PHLDB2: variants seen among roughly 807,000 people sequenced by gnomAD.
The protein encoded by PHLDB2 is pleckstrin homology like domain family B member 2, also known as pleckstrin homology-like domain family B member 2.
Under a neutral mutation model 123.6 loss-of-function variants are expected in PHLDB2, and 71 were observed. The observed-to-expected ratio is 0.57, with a 90% confidence interval of 0.47 to 0.70. The LOEUF is 0.70. PHLDB2 is among the 30% of genes least tolerant of loss of function. The probability of loss-of-function intolerance (pLI) is 0.00; values close to 1 mark genes in which losing one functional copy is unlikely to be tolerated. For missense variants in PHLDB2, 1,446 were observed against 1,519.5 expected (o/e 0.95, Z 0.80); for synonymous variants, 547 against 541.6 (o/e 1.01, Z -0.14).
chr3:111,776,116 T>C (rs963367698), intron 1 of PHLDB2, among the ~76,000 whole-genome samples: 2 of 152,154 alleles, frequency 1.3e-5, no homozygotes, highest in Non-Finnish European at 2.9e-5. Context: ...ATAACTGCTA[T>C]TTAGGAAGGC....
chr3:111,774,477 G>A (rs931976875), intron 1 of PHLDB2, among the ~76,000 whole-genome samples: 4 of 152,274 alleles, frequency 2.6e-5, no homozygotes, highest in South Asian at 2.1e-4. Flanking sequence ...GTGGCTTGGC[G>A]CATCTGCATT....
At position 111,865,164 on chromosome 3, in the gene PHLDB2, C is replaced by T. The variant is rs2065007343; in HGVS notation, c.-15+5588C>T. Among the ~76,000 whole-genome samples the T allele has an allele frequency of 2.6e-5, 4 of 152,158 alleles. No individual in the cohort carries two copies. The South Asian group carries it at 8.3e-4, about 32-fold the overall frequency. On this transcript the variant is annotated intron_variant, in intron 1 of 17. Transcript: ENST00000431670. ...GGGATTGAGAAGTGATGTCTGGCTGCCTCACTGCTTACGTCATTGCAGAAG... is the reference window on the plus strand; with the variant it reads ...GGGATTGAGAAGTGATGTCTGGCTGTCTCACTGCTTACGTCATTGCAGAAG...
chr3:111,866,014 A>ATTTTTTTTTTTTTTTTTGTTT (rs2065054543), intron 1 of PHLDB2, among the ~76,000 whole-genome samples: 1 of 57,430 alleles, frequency 1.7e-5, no homozygotes, highest in Non-Finnish European at 3.0e-5. Flanking sequence ...CCACCCACTC[A>ATTTTTTTTTTTTTTTTTGTTT]TTTTTTTTTT....
chr3:111,768,636 G>A (rs938004821), intron 1 of PHLDB2, among the ~76,000 whole-genome samples: 5 of 152,116 alleles, frequency 3.3e-5, no homozygotes, highest in African/African-American at 1.2e-4. Flanking sequence ...CCACACCCTC[G>A]GATCCTGCCA....
chr3:111,831,635 T>G (rs1481424996), intron 1 of PHLDB2, among the ~76,000 whole-genome samples: 2 of 152,174 alleles, frequency 1.3e-5, no homozygotes, highest in Non-Finnish European at 2.9e-5. Flanking sequence ...AAGACCAAGT[T>G]TGAATACCTG....
At chr3:111,891,887 G>A (rs2066518722) in intron 2 of PHLDB2, among the ~76,000 whole-genome samples, 1 of 152,098 alleles carries the variant, frequency 6.6e-6, no homozygotes, top group Non-Finnish European at 1.5e-5. Context: ...AAAAATGAAA[G>A]CAAACCCTGA....
chr3:111,859,433 G>T lies in PHLDB2; in HGVS notation c.-158G>T. On this transcript the variant is annotated 5_prime_UTR_variant, in exon 1 of 18. It adds an upstream start codon to the 5' untranslated region. Transcript: ENST00000431670. The stretch of plus-strand genomic sequence containing the variant: ...GGGTGCCCGCCGCGGTGGTTACAAA[G>T]GGGGTCAAGAGTGCCGGACCCAGCC... 13 of 985,598 alleles carry T rather than the reference G, an allele frequency of 1.3e-5. No individual in the cohort carries two copies. Among genetic ancestry groups the T allele is most frequent in the Non-Finnish European group, 1.4e-5 (12 of 830,062 alleles). The allele number at this position is 985,598 out of a possible 1,614,324, so 61.1% of individuals were successfully genotyped here.
chr3:111,745,956 C>T (rs565753394), intron 1 of PHLDB2, among the ~76,000 whole-genome samples: 3 of 152,144 alleles, frequency 2.0e-5, no homozygotes, highest in East Asian at 3.9e-4. Context: ...GCTGAGAGCA[C>T]GAAGAAGCAG....
At chr3:111,780,191 G>A (rs952463919) in intron 1 of PHLDB2, among the ~76,000 whole-genome samples, 3 of 149,580 alleles carry the variant, frequency 2.0e-5, no homozygotes, top group African/African-American at 5.0e-5. Context: ...GAGAAGGTTC[G>A]GCAATAAAAG....
At chr3:111,907,815 G>C (rs1454015638) in intron 2 of PHLDB2, among the ~76,000 whole-genome samples, 1 of 151,764 alleles carries the variant, frequency 6.6e-6, no homozygotes, top group East Asian at 1.9e-4. Flanking sequence ...TTGTTTTTTT[G>C]AGACAGGGTC....
At chr3:111,814,488 C>A (rs2061981865) in intron 1 of PHLDB2, among the ~76,000 whole-genome samples, 2 of 152,004 alleles carry the variant, frequency 1.3e-5, no homozygotes, top group Non-Finnish European at 2.9e-5. Flanking sequence ...AATAAACTCT[C>A]CTTTATATAT....
intron 1 of PHLDB2, among the ~76,000 whole-genome samples, chr3:111,777,879 A>C (rs1179371820): frequency 2.7e-5 from 4 of 150,740 alleles, no homozygotes; most frequent in African/African-American, 9.8e-5. Flanking sequence ...ACCCCAGTAT[A>C]GATGTTACAT....
At chr3:111,871,579 G>A (rs1043897106) in intron 1 of PHLDB2, among the ~76,000 whole-genome samples, 1 of 152,100 alleles carries the variant, frequency 6.6e-6, no homozygotes, top group Non-Finnish European at 1.5e-5. Context: ...GCTTGAGCCC[G>A]GGAGGCGGAG....
intron 16 of PHLDB2, among the ~76,000 whole-genome samples, chr3:111,972,279 G>A (rs2072245578): frequency 6.6e-6 from 1 of 152,092 alleles, no homozygotes; most frequent in Non-Finnish European, 1.5e-5. Context: ...CATGGTATCA[G>A]TTAAAACAGT....
At position 111,954,041 on chromosome 3, in the gene PHLDB2, T is replaced by G. The variant is rs1482965333; in HGVS notation, c.2872+12T>G. 6.2e-7 allele frequency: 1 copy of G among 1,606,154 alleles called. No homozygotes were observed. The highest frequency in any genetic ancestry group is 8.5e-7 in the Non-Finnish European group (1 of 1,173,354). On this transcript the variant is annotated intron_variant, in intron 12 of 17. Transcript: ENST00000431670. ...GAGGATGCTCAGAGGTACGTACCTT[T>G]TAAATCAAGTGTCATGGCCTTTTGT...
At chr3:111,944,459 G>T (rs747033007) in intron 8 of PHLDB2, among the ~76,000 whole-genome samples, 4 of 151,804 alleles carry the variant, frequency 2.6e-5, no homozygotes, top group Non-Finnish European at 5.9e-5. Context: ...ACCCATAAAT[G>T]TTGCTTAATA....
chr3:111,796,825 T>TA (rs1322146779), intron 1 of PHLDB2, among the ~76,000 whole-genome samples: 1 of 152,154 alleles, frequency 6.6e-6, no homozygotes, highest in South Asian at 2.1e-4. Context: ...AGAGGGAGAT[T>TA]TTAAAAACAC....
chr3:111,973,594 C>G (rs564358814), intron 16 of PHLDB2, 138 bp from the exon 17 acceptor site: 234 of 487,974 alleles, frequency 4.8e-4, no homozygotes, highest in African/African-American at 4.5e-3. Context: ...GCCTCATGCA[C>G]TAGCCCAAGT....
At chr3:111,933,592 C>T (rs543267916) in intron 6 of PHLDB2, among the ~76,000 whole-genome samples, 1 of 152,298 alleles carries the variant, frequency 6.6e-6, no homozygotes, top group Non-Finnish European at 1.5e-5. Context: ...AACCATATGT[C>T]TTCCCTTTAC....
Sources: gnomAD v4.1 joint callset for allele counts (sites outside exome capture counted in the v4.1 genomes callset) on GRCh38, gnomAD v4.1.1 for gene constraint, MANE v1.5 for transcripts, NCBI Gene and HGNC (gene_info 2026-07-23, HGNC 2026-07-21) for gene names.